Variants in SNAP91 observed in about 807,000 individuals in gnomAD.
SNAP91 encodes synaptosome associated protein 91, also known as clathrin coat assembly protein AP180.
SNAP91 carries 27 observed loss-of-function variants against 100.3 expected under a neutral mutation model. The observed-to-expected ratio is 0.27, with a 90% confidence interval of 0.20 to 0.37. The LOEUF is 0.37. Ranked by LOEUF, SNAP91 falls within the 10% of genes least tolerant of loss-of-function variation. The pLI, the probability that SNAP91 is intolerant of heterozygous loss-of-function variation, is 1.00. For missense variants in SNAP91, 986 were observed against 1,123.7 expected, an observed-to-expected ratio of 0.88 and a Z score of 1.75; for synonymous variants, 404 against 398.6, an observed-to-expected ratio of 1.01 and a Z score of -0.16.
In SNAP91 at chr6:83,607,144, T is replaced by C. The variant is rs954216859; in HGVS notation, c.1022+555A>G. Among the ~76,000 whole-genome samples, 11 of 152,182 alleles carry C rather than the reference T, an allele frequency of 7.2e-5. 1 individual carries two copies. Among genetic ancestry groups the C allele is most frequent in the Admixed American group, 2.6e-4 (4 of 15,264 alleles). The stretch of plus-strand genomic sequence containing the variant: ...ATTATTTGAGGACACACCTATGAGC[T>C]GGGGATTGATTTTAGGAGGCTAGAG... On this transcript the variant is annotated intron_variant, in intron 13 of 29. Transcript: ENST00000369694.
At chr6:83,690,654 T>G (rs1222071333) in intron 2 of SNAP91, among the ~76,000 whole-genome samples, 1 of 152,012 alleles carries the variant, frequency 6.6e-6, no homozygotes, top group Non-Finnish European at 1.5e-5. Flanking sequence ...AAGAGAGAGG[T>G]AAGTCTTATA....
At chr6:83,622,595 T>C (rs1023918884) in intron 9 of SNAP91, among the ~76,000 whole-genome samples, 1 of 152,082 alleles carries the variant, frequency 6.6e-6, no homozygotes, top group African/African-American at 2.4e-5. Flanking sequence ...GGGATATAAC[T>C]GTACCATAAC....
At chr6:83,641,606 T>C (rs2097705430) in intron 7 of SNAP91, among the ~76,000 whole-genome samples, 1 of 152,202 alleles carries the variant, frequency 6.6e-6, no homozygotes, top group Non-Finnish European at 1.5e-5. Context: ...AATAAACTAA[T>C]AATCTATAAA....
intron 7 of SNAP91, among the ~76,000 whole-genome samples, chr6:83,651,257 G>A (rs561383389): frequency 1.1e-4 from 16 of 151,392 alleles, no homozygotes; most frequent in African/African-American, 3.4e-4. Flanking sequence ...ATTGATTTAC[G>A]CTCTAATTCT....
chr6:83,674,934 A>C (rs1382138605), intron 2 of SNAP91, among the ~76,000 whole-genome samples: 1 of 152,202 alleles, frequency 6.6e-6, no homozygotes, highest in Non-Finnish European at 1.5e-5. Context: ...AGGGAGGCTA[A>C]GGAGAGGTAT....
At chr6:83,648,952 G>A (rs1299043632) in intron 7 of SNAP91, among the ~76,000 whole-genome samples, 2 of 152,064 alleles carry the variant, frequency 1.3e-5, no homozygotes, top group African/African-American at 4.8e-5. Context: ...AGTCCAATTT[G>A]TTAACTTTCT....
chr6:83,696,409 T>C (rs1377489691), intron 2 of SNAP91, among the ~76,000 whole-genome samples: 1 of 152,162 alleles, frequency 6.6e-6, no homozygotes, highest in Non-Finnish European at 1.5e-5. Flanking sequence ...TTTTGCCACT[T>C]TGGGACTCAG....
intron 2 of SNAP91, among the ~76,000 whole-genome samples, chr6:83,682,732 C>T: frequency 8.1e-6 from 1 of 123,748 alleles, no homozygotes; most frequent in African/African-American, 3.1e-5. Context: ...ATCCCTCCGC[C>T]CTCCCCGCAC....
intron 26 of SNAP91, among the ~76,000 whole-genome samples, chr6:83,572,098 T>G (rs563505694): frequency 1.3e-5 from 2 of 152,224 alleles, no homozygotes; most frequent in African/African-American, 4.8e-5. Flanking sequence ...GTCTCGGGTA[T>G]GTCTTTATCA....
chr6:83,607,778 T>C lies in SNAP91; in HGVS notation c.943A>G (p.Asn315Asp), dbSNP rs1240437551. The C allele has an allele frequency of 1.3e-6, 2 of 1,592,480 alleles. No individual in the cohort carries two copies. Among genetic ancestry groups the C allele is most frequent in the Non-Finnish European group, 8.6e-7 (1 of 1,169,114 alleles). The change falls in exon 13 of 30, where the codon AAT (asparagine) becomes GAT (aspartate). Residue 315 changes from asparagine (N) to aspartate (D), a missense_variant. Asn to Asp is a conservative substitution (Grantham distance 23, BLOSUM62 1). This residue lies in a region of SNAP91 where 330 missense variants were observed against 447.5 expected (regional missense o/e 0.74). Coordinates refer to ENST00000369694, the MANE Select transcript of SNAP91 (RefSeq NM_001242792.2). ...TCAATAGTTTTAGCTGGTGTAGAATTAGGAGACGTAACAGTTGTGGCTGGA... is the reference window on the plus strand; with the variant it reads ...TCAATAGTTTTAGCTGGTGTAGAATCAGGAGACGTAACAGTTGTGGCTGGA... ...SSPATTVTSP[N>D]STPAKTIDTS... is the part of the protein sequence containing the mutation.
intron 16 of SNAP91, among the ~76,000 whole-genome samples, chr6:83,596,740 G>T (rs562612128): frequency 2.1e-4 from 30 of 142,718 alleles, no homozygotes; most frequent in Non-Finnish European, 4.2e-4. Context: ...ATATATATAT[G>T]TATATACTTT....
rs536010671 is a variant in SNAP91 at position 83,688,651 on chromosome 6, A to G, written c.130+19147T>C. Among the ~76,000 whole-genome samples the G allele has an allele frequency of 4.7e-4, 72 of 151,986 alleles. 1 individual carries two copies. In the Middle Eastern group the frequency reaches 0.01, roughly 22 times the overall value. The stretch of plus-strand genomic sequence containing the variant: ...CCTGAGGAGCTGGGACTACAGACAT[A>G]TGTTATCACACCCAGCTAAATTTTT... On this transcript the variant is annotated intron_variant, in intron 2 of 29. Coordinates refer to ENST00000369694, the MANE Select transcript of SNAP91 (RefSeq NM_001242792.2).
intron 14 of SNAP91, among the ~76,000 whole-genome samples, chr6:83,605,087 G>A (rs2095525149): frequency 2.0e-5 from 3 of 152,048 alleles, no homozygotes; most frequent in Admixed American, 2.0e-4. Flanking sequence ...TTTATAAAAG[G>A]CTGATTTTTT....
chr6:83,565,766 C>T (rs922682571), intron 26 of SNAP91, among the ~76,000 whole-genome samples: 5 of 152,230 alleles, frequency 3.3e-5, no homozygotes, highest in African/African-American at 1.2e-4. Context: ...TGAAATACCA[C>T]TTCATGCTCA....
At chr6:83,705,642 T>TA (rs957124103) in intron 2 of SNAP91, among the ~76,000 whole-genome samples, 7 of 151,508 alleles carry the variant, frequency 4.6e-5, no homozygotes, top group Non-Finnish European at 7.4e-5. Context: ...CCATCTCTAC[T>TA]AAAAAAAATA....
intron 28 of SNAP91, among the ~76,000 whole-genome samples, chr6:83,559,162 G>C (rs1783319805): frequency 6.6e-6 from 1 of 152,188 alleles, no homozygotes; most frequent in African/African-American, 2.4e-5. Context: ...AGGTGACTCA[G>C]AGTGGAGGCA....
chr6:83,597,708 C>T (rs887527767), intron 16 of SNAP91, among the ~76,000 whole-genome samples: 1 of 152,202 alleles, frequency 6.6e-6, no homozygotes, highest in African/African-American at 2.4e-5. Context: ...CTCAGCCTGA[C>T]CTATTCTCTC....
chr6:83,631,088 C>T (rs572998725), intron 8 of SNAP91, among the ~76,000 whole-genome samples: 14 of 152,174 alleles, frequency 9.2e-5, no homozygotes, highest in African/African-American at 2.6e-4. Flanking sequence ...ATTTTGATTT[C>T]GTTTTTGACC....
intron 26 of SNAP91, among the ~76,000 whole-genome samples, chr6:83,567,336 A>G (rs912227521): frequency 4.6e-5 from 7 of 152,274 alleles, no homozygotes; most frequent in African/African-American, 1.7e-4. Context: ...TTCGATAAAA[A>G]CTTAACAGGT....
Sources: allele counts gnomAD v4.1 joint callset (sites outside exome capture counted in the v4.1 genomes callset), GRCh38; gene constraint gnomAD v4.1.1; regional missense constraint gnomAD v4.1.1; transcripts MANE v1.5; gene names NCBI Gene and HGNC (gene_info 2026-07-23, HGNC 2026-07-21).